TENM1: variants seen among roughly 807,000 people sequenced by gnomAD.
TENM1 encodes teneurin-1.
In TENM1, 35 loss-of-function variants were observed where a neutral mutation model predicts 174.8. That is an observed-to-expected ratio of 0.20 (90% CI 0.15 to 0.27). TENM1 has a LOEUF of 0.27. Among genes scored for constraint, TENM1 ranks in the 10% least tolerant of loss-of-function variants. The pLI is 1.00. For synonymous variants in TENM1, 781 were observed against 798.7 expected (o/e 0.98, Z 0.37); for missense variants, 1,633 against 2,130.1 (o/e 0.77, Z 4.59).
the TENM1 span, among the ~76,000 whole-genome samples, chrX:125,102,217 G>A: frequency 4.9e-5 from 5 of 102,765 alleles, no homozygotes; most frequent in African/African-American, 1.9e-4. Flanking sequence ...TCAAGGGAAT[G>A]TGTAGGGCCA....
At chrX:124,768,584 T>A (rs1297541615) in intron 3 of TENM1, among the ~76,000 whole-genome samples, 1 of 112,350 alleles carries the variant, frequency 8.9e-6, no homozygotes, top group Non-Finnish European at 1.9e-5. Context: ...GTTACAATGT[T>A]ACAAAGATGA....
rs902969744 is a variant in TENM1, at chrX:124,788,358, T to C, written c.536-51161A>G. On this transcript the variant is annotated intron_variant, in intron 3 of 31. Transcript: ENST00000422452. ...AAACCATACCATTCTGTACCTGGCC[T>C]CTCCCAAATCTCGTATTTTCACATT... 2.7e-5 allele frequency among the ~76,000 whole-genome samples: 3 copies of C among 111,114 alleles called. No individual in the cohort carries two copies. In the Admixed American group the frequency reaches 2.9e-4, roughly 11 times the overall value.
At chrX:124,948,565 T>C (rs970372309) in intron 1 of TENM1, among the ~76,000 whole-genome samples, 8 of 112,711 alleles carry the variant, frequency 7.1e-5, no homozygotes, top group African/African-American at 9.7e-5. Context: ...GTTGTTGTTG[T>C]TTTTGAGACA....
chrX:124,454,547 G>A (rs2061083190), intron 22 of TENM1, among the ~76,000 whole-genome samples: 1 of 110,828 alleles, frequency 9.0e-6, no homozygotes, highest in Admixed American at 9.6e-5. Context: ...AGGATTATAG[G>A]AGCCTGCCAG....
intron 8 of TENM1, among the ~76,000 whole-genome samples, chrX:124,650,200 CAAAAAAAAAA>C (rs755570562): frequency 2.4e-4 from 6 of 24,864 alleles, no homozygotes; most frequent in African/African-American, 2.9e-4. Flanking sequence ...AAACTGTCTC[CAAAAAAAAAA>C]AAAAAAAAAA....
At chrX:125,142,896 G>A in the TENM1 span, among the ~76,000 whole-genome samples, 3 of 111,517 alleles carry the variant, frequency 2.7e-5, no homozygotes, top group African/African-American at 6.5e-5. Flanking sequence ...CCCCTAAATC[G>A]GCCCATCAAG....
At chrX:124,403,131 T>C (rs1196734104) in intron 27 of TENM1, among the ~76,000 whole-genome samples, 1 of 110,261 alleles carries the variant, frequency 9.1e-6, no homozygotes, top group Non-Finnish European at 1.9e-5. Context: ...CAAATTTCAG[T>C]AGCTTTATAA....
At chrX:125,073,443 C>CA in the TENM1 span, among the ~76,000 whole-genome samples, 1 of 111,154 alleles carries the variant, frequency 9.0e-6, no homozygotes, top group Non-Finnish European at 1.9e-5. Context: ...TTTATATTAT[C>CA]AAAAATGATA....
chrX:125,006,739 A>C, the TENM1 span, among the ~76,000 whole-genome samples: 2 of 111,568 alleles, frequency 1.8e-5, no homozygotes, highest in Non-Finnish European at 3.8e-5. Context: ...TCTCGAGTGG[A>C]CACCCAGCAA....
At chrX:124,493,355 C>T (rs183572336) in intron 20 of TENM1, among the ~76,000 whole-genome samples, 31 of 111,068 alleles carry the variant, frequency 2.8e-4, no homozygotes, top group Non-Finnish European at 4.9e-4. Flanking sequence ...GGTAAATTTA[C>T]GTTTAAATTA....
chrX:124,439,804 T>A (rs5911845), intron 23 of TENM1, among the ~76,000 whole-genome samples: 51,004 of 110,162 alleles, frequency 0.46, 9,891 homozygotes, highest in Non-Finnish European at 0.62. Flanking sequence ...ATAATAATGA[T>A]AAAATAATAA....
chrX:124,807,916 CACAG>C (rs1475816500), intron 3 of TENM1, among the ~76,000 whole-genome samples: 2 of 106,867 alleles, frequency 1.9e-5, no homozygotes, highest in Non-Finnish European at 3.9e-5. Flanking sequence ...CACACACACA[CACAG>C]AGGAAGGAAG....
the TENM1 span, among the ~76,000 whole-genome samples, chrX:125,007,777 G>C: frequency 9.0e-6 from 1 of 111,545 alleles, no homozygotes; most frequent in Non-Finnish European, 1.9e-5. Flanking sequence ...TATCCAGCCA[G>C]ACTAAGCTTC....
At chrX:125,165,331 A>G in the TENM1 span, among the ~76,000 whole-genome samples, 1 of 111,956 alleles carries the variant, frequency 8.9e-6, no homozygotes, top group Non-Finnish European at 1.9e-5. Context: ...CCCCTGATTC[A>G]AAACAAAACC....
chrX:124,436,644 C>T (rs2060841260), intron 23 of TENM1, among the ~76,000 whole-genome samples: 1 of 110,046 alleles, frequency 9.1e-6, no homozygotes, highest in Non-Finnish European at 1.9e-5. Flanking sequence ...CAGGCACCCG[C>T]CACCTCGCCC....
At chrX:124,538,015 A>G (rs779441441) in intron 15 of TENM1, among the ~76,000 whole-genome samples, 1 of 112,000 alleles carries the variant, frequency 8.9e-6, no homozygotes, top group Non-Finnish European at 1.9e-5. Flanking sequence ...CTGATTTTTC[A>G]TTCTTCTTTG....
intron 15 of TENM1, among the ~76,000 whole-genome samples, chrX:124,537,510 T>G (rs774246202): frequency 1.5e-4 from 16 of 109,720 alleles, no homozygotes; most frequent in Non-Finnish European, 2.3e-4. Context: ...CCAAAGAGCC[T>G]GAGCTGTATT....
intron 3 of TENM1, among the ~76,000 whole-genome samples, chrX:124,864,727 G>A (rs1402322145): frequency 2.7e-5 from 3 of 110,865 alleles, no homozygotes; most frequent in Admixed American, 1.9e-4. Flanking sequence ...CCCAAACCTA[G>A]AGAAACATAT....
At chrX:124,954,488 T>G (rs777693854) in intron 1 of TENM1, among the ~76,000 whole-genome samples, 12 of 111,871 alleles carry the variant, frequency 1.1e-4, no homozygotes, top group African/African-American at 3.6e-4. Context: ...TGAAGGGATG[T>G]GTTGTATAAA....
Sources: allele counts gnomAD v4.1 joint callset (sites outside exome capture counted in the v4.1 genomes callset), GRCh38; gene constraint gnomAD v4.1.1; transcripts MANE v1.5; gene names NCBI Gene and HGNC (gene_info 2026-07-23, HGNC 2026-07-21).